MINK1: variants seen among roughly 807,000 people sequenced by gnomAD.
MINK1 encodes the protein misshapen like kinase 1.
Under a neutral mutation model 178.4 loss-of-function variants are expected in MINK1, and 46 were observed. That is an observed-to-expected ratio of 0.26 (90% CI 0.20 to 0.33). The LOEUF is 0.33. MINK1 is among the 10% of genes least tolerant of loss of function. The pLI is 1.00. For synonymous variants in MINK1, 797 were observed against 709.7 expected (o/e 1.12, Z -1.96); for missense variants, 1,366 against 1,814.9 (o/e 0.75, Z 4.49).
At chr17:4,880,882 A>T (rs145519071) in intron 2 of MINK1, 102 bp from the exon 3 acceptor site, 87 of 1,194,058 alleles carry the variant, frequency 7.3e-5, no homozygotes, top group Non-Finnish European at 9.0e-5. Context: ...TCTGGGCGAC[A>T]GAGCGAGACC....
Position 4,894,407 on chromosome 17 carries a change from G to A in MINK1, c.2808+96G>A, listed in dbSNP as rs957753384. The stretch of plus-strand genomic sequence containing the variant: ...GTAACGGCAGAGGATGGGGCGGAGC[G>A]CTGGGAGCTGGACAGCGGGGGTGCC... On this transcript the variant is annotated intron_variant, in intron 23 of 31. Coordinates refer to ENST00000355280, the MANE Select transcript of MINK1 (RefSeq NM_153827.5). The surrounding 1 kb of genome is among the most constrained non-coding windows in gnomAD (Gnocchi z 4.1). 1.7e-5 allele frequency: 26 copies of A among 1,537,542 alleles called. No homozygotes were observed. The highest frequency in any genetic ancestry group is 3.5e-4 in the Middle Eastern group (2 of 5,712).
rs377534728 is a variant in MINK1 at position 4,892,650 on chromosome 17, C to G, written c.2199-6C>G. ...CTCCCTGACCCTGACTCTGCCCCCC[C>G]AACAGTAACCCCGACCTCAGGAGGA... On this transcript the variant is annotated splice_region_variant and splice_polypyrimidine_tract_variant and intron_variant, in intron 18 of 31. Transcript: ENST00000355280. 17 of 1,596,422 alleles carry G rather than the reference C, an allele frequency of 1.1e-5. No homozygotes were observed. The highest frequency in any genetic ancestry group is 1.4e-5 in the Non-Finnish European group (16 of 1,170,094).
intron 1 of MINK1, among the ~76,000 whole-genome samples, chr17:4,849,764 G>A (rs959794334): frequency 1.3e-5 from 2 of 152,080 alleles, no homozygotes; most frequent in Admixed American, 6.5e-5. Flanking sequence ...GTAGAGGTGG[G>A]GTTTCTCCAT....
At chr17:4,860,675 G>A in intron 1 of MINK1, 5 of 517,804 alleles carry the variant, frequency 9.7e-6, no homozygotes, top group Non-Finnish European at 1.5e-5. Flanking sequence ...AGGAGTCCAG[G>A]GAGTCCCTTG....
In MINK1 at chr17:4,884,938, G is replaced by A; in HGVS notation, c.444G>A (p.Lys148=). Residue 148 remains lysine, a synonymous_variant, in exon 6 of 32, where the codon AAG becomes AAA. Transcript: ENST00000355280. ...GTCTGGCCCATCTCCATGCCCACAA[G>A]GTGATCCATCGAGACATCAAGGGGC... ...LRGLAHLHAH[K]VIHRDIKGQN... is the part of the protein sequence containing the mutation. The A allele has an allele frequency of 2.5e-6, 4 of 1,613,948 alleles. No individual in the cohort carries two copies. The highest frequency in any genetic ancestry group is 3.4e-6 in the Non-Finnish European group (4 of 1,179,882).
chr17:4,862,037 T>C (rs1052329330), intron 1 of MINK1, among the ~76,000 whole-genome samples: 2 of 152,178 alleles, frequency 1.3e-5, no homozygotes, highest in African/African-American at 4.8e-5. Context: ...ATTCCATGTA[T>C]ACCCAAGTAC....
At chr17:4,835,357 G>C (rs1032815686) in intron 1 of MINK1, among the ~76,000 whole-genome samples, 11 of 152,180 alleles carry the variant, frequency 7.2e-5, no homozygotes, top group Non-Finnish European at 1.3e-4. Flanking sequence ...GGCCGGGCGA[G>C]GTGCTCACAC....
chr17:4,838,982 C>T (rs371612407), intron 1 of MINK1, among the ~76,000 whole-genome samples: 12 of 150,782 alleles, frequency 8.0e-5, no homozygotes, highest in African/African-American at 1.5e-4. Flanking sequence ...CTCGCACTGT[C>T]GCCCAGGCTG....
intron 12 of MINK1, 117 bp from the exon 13 acceptor site, chr17:4,889,530 C>A: frequency 2.3e-6 from 2 of 885,682 alleles, no homozygotes; most frequent in Non-Finnish European, 3.6e-6. Context: ...AAGCGGAAGC[C>A]GGTCTCTCTT....
rs1908866841 is a variant in MINK1 at position 4,833,874 on chromosome 17, C to T, written c.57+234C>T. Among the ~76,000 whole-genome samples the T allele has an allele frequency of 6.6e-6, 1 of 152,218 alleles. No homozygotes were observed. The highest frequency in any genetic ancestry group is 1.5e-5 in the Non-Finnish European group (1 of 68,032). On this transcript the variant is annotated intron_variant, in intron 1 of 31. Coordinates refer to ENST00000355280, the MANE Select transcript of MINK1 (RefSeq NM_153827.5). This position sits in a 1 kb window ranked among gnomAD's most constrained non-coding sequence, Gnocchi z 4.8. ...CCAGTTCGGTCCCCACCCTGTGGTG[C>T]CCCGCCCCCACACTTCCGTGCCACC...
intron 4 of MINK1, among the ~76,000 whole-genome samples, chr17:4,883,905 C>T (rs1212163391): frequency 6.6e-6 from 1 of 151,930 alleles, no homozygotes; most frequent in African/African-American, 2.4e-5. Context: ...AAGTACTAGA[C>T]CCTTCCTCAG....
chr17:4,861,494 A>G (rs1914161349), intron 1 of MINK1, among the ~76,000 whole-genome samples: 3 of 151,808 alleles, frequency 2.0e-5, no homozygotes, highest in African/African-American at 7.3e-5. Flanking sequence ...CCATCAACCA[A>G]AGGTTTTTAT....
At position 4,886,680 on chromosome 17, in the gene MINK1, C is replaced by G. The variant is rs924103225; in HGVS notation, c.949+54C>G. On this transcript the variant is annotated intron_variant, in intron 10 of 31. Transcript: ENST00000355280. The surrounding 1 kb of genome is among the most constrained non-coding windows in gnomAD (Gnocchi z 6.1). Reference sequence around the variant, plus strand: ...ACTAGGGGACACTCCAGCCTGGCTCCTCTCTGCCAGCCCTGCTCGCTCCTG... The same window carrying G: ...ACTAGGGGACACTCCAGCCTGGCTCGTCTCTGCCAGCCCTGCTCGCTCCTG... The G allele has an allele frequency of 6.7e-7, 1 of 1,487,076 alleles. No homozygotes were observed. Among genetic ancestry groups the G allele is most frequent in the Non-Finnish European group, 8.9e-7 (1 of 1,118,372 alleles). 92.1% of individuals were successfully genotyped at this position (1,487,076 alleles called of 1,614,324 possible).
Position 4,884,898 on chromosome 17 carries a change from C to G in MINK1, c.418-14C>G. On this transcript the variant is annotated splice_polypyrimidine_tract_variant and intron_variant, in intron 5 of 31. Transcript: ENST00000355280. Reference sequence around the variant, plus strand: ...CCAACACCATGGCTAATTTTCCCTGCTCTCCTGTCCCAGGGTCTGGCCCAT... The same window carrying G: ...CCAACACCATGGCTAATTTTCCCTGGTCTCCTGTCCCAGGGTCTGGCCCAT... 6.2e-7 allele frequency: 1 copy of G among 1,612,326 alleles called. No individual in the cohort carries two copies. Among genetic ancestry groups the G allele is most frequent in the Non-Finnish European group, 8.5e-7 (1 of 1,178,764 alleles).
rs371078087 is a variant in MINK1, at chr17:4,897,310, C to A, written c.*23C>A. On this transcript the variant is annotated 3_prime_UTR_variant, in exon 32 of 32. Transcript: ENST00000355280. ...TGACGGGGCCCTGGGCTGGGGCTGT[C>A]CCACACTGGACCCAGCTCTCCCCCT... 1 of 1,607,652 alleles carries A rather than the reference C, an allele frequency of 6.2e-7. No individual in the cohort carries two copies. The highest frequency in any genetic ancestry group is 8.5e-7 in the Non-Finnish European group (1 of 1,174,638).
rs764832872 is a variant in MINK1, at chr17:4,891,626, C to T, written c.1911C>T (p.Ile637=). 6.2e-7 allele frequency: 1 copy of T among 1,602,360 alleles called. No homozygotes were observed. The highest frequency in any genetic ancestry group is 1.7e-5 in the Admixed American group (1 of 57,984). ...TATPSARGAV[I]RQNSDPTSEG... The stretch of plus-strand genomic sequence containing the variant: ...CGCCCAGTGCCCGAGGAGCTGTCAT[C>T]CGCCAGAATTCAGACCCCACCTCTG... Residue 637 remains isoleucine, a synonymous_variant, in exon 16 of 32, where the codon ATC becomes ATT. Coordinates refer to ENST00000355280, the MANE Select transcript of MINK1 (RefSeq NM_153827.5).
chr17:4,892,678 G>T lies in MINK1; in HGVS notation c.2221G>T (p.Asp741Tyr). ...ASSNPDLRRS[D>Y]PGWERSDSVL... The stretch of plus-strand genomic sequence containing the variant: ...CAGTAACCCCGACCTCAGGAGGAGC[G>T]ACCCTGGCTGGGAACGCTCGGACAG... The change falls in exon 19 of 32, where the codon GAC (aspartate) becomes TAC (tyrosine). Residue 741 changes from aspartate (D) to tyrosine (Y), a missense_variant. Coordinates refer to ENST00000355280, the MANE Select transcript of MINK1 (RefSeq NM_153827.5). The T allele has an allele frequency of 1.2e-6, 2 of 1,610,220 alleles. No individual in the cohort carries two copies. Among genetic ancestry groups the T allele is most frequent in the Non-Finnish European group, 1.7e-6 (2 of 1,178,480 alleles).
At chr17:4,874,275 C>T (rs536852901) in intron 1 of MINK1, among the ~76,000 whole-genome samples, 3 of 152,300 alleles carry the variant, frequency 2.0e-5, no homozygotes, top group African/African-American at 4.8e-5. Flanking sequence ...AAATGAGATA[C>T]GATTGCCTTA....
Position 4,891,705 on chromosome 17 carries a change from G to T in MINK1, c.1990G>T (p.Ala664Ser), listed in dbSNP as rs374001206. ...PPAWVRPDNE[A>S]PPKVPQRTSS... is the part of the protein sequence containing the mutation. Reference sequence around the variant, plus strand: ...AGCCTGGGTCCGCCCAGATAACGAGGCCCCACCCAAGGTAAGGACAGTTCT... The same window carrying T: ...AGCCTGGGTCCGCCCAGATAACGAGTCCCCACCCAAGGTAAGGACAGTTCT... The change falls in exon 16 of 32, where the codon GCC becomes TCC. Residue 664 changes from alanine (A) to serine (S), a missense_variant. Around this residue, in one of 14 missense-constraint regions of MINK1, gnomAD observed 709 missense variants for 692.3 expected, o/e 1.02. Transcript: ENST00000355280. The T allele has an allele frequency of 6.2e-7, 1 of 1,602,770 alleles. No individual in the cohort carries two copies. The highest frequency in any genetic ancestry group is 8.5e-7 in the Non-Finnish European group (1 of 1,175,316).
Sources: allele counts gnomAD v4.1 joint callset (sites outside exome capture counted in the v4.1 genomes callset), GRCh38; gene constraint gnomAD v4.1.1; regional missense constraint gnomAD v4.1.1; non-coding constraint Gnocchi (gnomAD v3.1); transcripts MANE v1.5; gene names NCBI Gene and HGNC (gene_info 2026-07-23, HGNC 2026-07-21).